Variants in RGS3 observed in about 807,000 individuals in gnomAD.
The protein encoded by RGS3 is regulator of G protein signaling 3.
Under a neutral mutation model 132.6 loss-of-function variants are expected in RGS3, and 80 were observed. The observed-to-expected ratio is 0.60, with a 90% CI of 0.50 to 0.73. The LOEUF is 0.73. Ranked by LOEUF, RGS3 falls within the 30% of genes least tolerant of loss-of-function variation. The pLI is 0.00. For missense variants in RGS3, 1,382 were observed against 1,530.8 expected (o/e 0.90, Z 1.62); for synonymous variants, 598 against 620.6 (o/e 0.96, Z 0.54).
chr9:113,536,501 CTCA>C, intron 18 of RGS3: 1 of 1,082,676 alleles, frequency 9.2e-7, no homozygotes, highest in Admixed American at 4.8e-5. Context: ...TGGGGGTGAC[CTCA>C]TCGGCTCTGT....
intron 19 of RGS3, among the ~76,000 whole-genome samples, chr9:113,544,642 T>C (rs1833035256): frequency 6.6e-6 from 1 of 152,218 alleles, no homozygotes; most frequent in Non-Finnish European, 1.5e-5. Flanking sequence ...ACTTTGGAGA[T>C]GGCAACTGGG....
At chr9:113,467,638 G>A (rs988685703) in intron 3 of RGS3, among the ~76,000 whole-genome samples, 5 of 152,054 alleles carry the variant, frequency 3.3e-5, no homozygotes, top group African/African-American at 1.2e-4. Context: ...CTCCTTAACC[G>A]ATATATGATT....
intron 19 of RGS3, among the ~76,000 whole-genome samples, chr9:113,549,626 G>A (rs554174721): frequency 6.6e-6 from 1 of 152,168 alleles, no homozygotes; most frequent in Non-Finnish European, 1.5e-5. Context: ...AATGTGTCCT[G>A]TCAGGCATTC....
chr9:113,580,897 G>T, intron 19 of RGS3: 1 of 985,678 alleles, frequency 1.0e-6, no homozygotes. Flanking sequence ...CCCAGGAAAG[G>T]GGAAATGCGG....
chr9:113,589,731 T>A (rs1835320209), intron 20 of RGS3, among the ~76,000 whole-genome samples: 1 of 152,178 alleles, frequency 6.6e-6, no homozygotes, highest in African/African-American at 2.4e-5. Flanking sequence ...GTGGTAACAC[T>A]CACTGGGCAA....
intron 1 of RGS3, among the ~76,000 whole-genome samples, chr9:113,450,347 A>G (rs2119140228): frequency 6.6e-6 from 1 of 152,302 alleles, no homozygotes; most frequent in East Asian, 1.9e-4. Flanking sequence ...CTGGGATTAC[A>G]GGCATGAGCC....
intron 22 of RGS3, 123 bp from the exon 21 acceptor site, chr9:113,594,796 G>T (rs1025546094): frequency 1.3e-5 from 12 of 924,542 alleles, no homozygotes; most frequent in Admixed American, 2.3e-5. Flanking sequence ...CTTCCTGGGC[G>T]CCCCAGCTGG....
chr9:113,505,632 T>C (rs551048894), intron 11 of RGS3, 109 bp downstream of exon 9: 1 of 807,570 alleles, frequency 1.2e-6, no homozygotes, highest in East Asian at 2.6e-5. Flanking sequence ...CAAAGTGTCC[T>C]GGCTTTTCAA....
chr9:113,541,030 C>G (rs947386361), intron 19 of RGS3, among the ~76,000 whole-genome samples: 20 of 152,320 alleles, frequency 1.3e-4, no homozygotes, highest in African/African-American at 4.8e-4. Flanking sequence ...TGCTGGTGCT[C>G]GGAGCACATA....
At chr9:113,549,342 C>T (rs1276628350) in intron 19 of RGS3, among the ~76,000 whole-genome samples, 2 of 152,216 alleles carry the variant, frequency 1.3e-5, no homozygotes, top group African/African-American at 2.4e-5. Context: ...AATAGTAGCT[C>T]TTGTTGCAAA....
intron 18 of RGS3, among the ~76,000 whole-genome samples, chr9:113,530,764 G>T (rs1832430802): frequency 6.6e-6 from 1 of 152,202 alleles, no homozygotes; most frequent in Admixed American, 6.5e-5. Context: ...AAAGTGCCAG[G>T]TGATCTGATC....
At chr9:113,461,793 C>G (rs1829476053) in exon 2 of RGS3, 1 of 1,614,176 alleles carries the variant, frequency 6.2e-7, no homozygotes, top group Non-Finnish European at 8.5e-7. Flanking sequence ...CTCACAGCCT[C>G]TGGAGCCCAA....
chr9:113,503,781 A>T (rs1330569514), intron 10 of RGS3, among the ~76,000 whole-genome samples: 1 of 152,114 alleles, frequency 6.6e-6, no homozygotes, highest in Admixed American at 6.5e-5. Context: ...CCCCTAAAAA[A>T]TCCCCGCTGG....
intron 19 of RGS3, among the ~76,000 whole-genome samples, chr9:113,557,490 C>G (rs1277436345): frequency 6.6e-6 from 1 of 152,222 alleles, no homozygotes; most frequent in African/African-American, 2.4e-5. Flanking sequence ...GGCCATATGC[C>G]TCTCCCTGGA....
chr9:113,481,766 G>C (rs1031032140), intron 4 of RGS3, among the ~76,000 whole-genome samples: 6 of 152,230 alleles, frequency 3.9e-5, no homozygotes, highest in Admixed American at 2.0e-4. Flanking sequence ...CAGACGTAAG[G>C]CTGGGTGCAT....
At chr9:113,525,389 A>G (rs1312880860) in intron 17 of RGS3, among the ~76,000 whole-genome samples, 1 of 152,046 alleles carries the variant, frequency 6.6e-6, no homozygotes, top group African/African-American at 2.4e-5. Context: ...CTGCAGTCTA[A>G]ATTGGAGCCG....
chr9:113,578,089 G>A (rs1420780537), intron 19 of RGS3, among the ~76,000 whole-genome samples: 1 of 152,360 alleles, frequency 6.6e-6, no homozygotes, highest in Non-Finnish European at 1.5e-5. Flanking sequence ...GCCAGATGGT[G>A]CAGATAGCGA....
chr9:113,596,658 G>T, intron 24 of RGS3, 110 bp from the exon 23 acceptor site: 1 of 870,756 alleles, frequency 1.1e-6, no homozygotes, highest in South Asian at 1.7e-5. Context: ...TTAAGATGTG[G>T]GGCAAAGGGG....
intron 7 of RGS3, among the ~76,000 whole-genome samples, chr9:113,490,490 A>G (rs1251734767): frequency 6.6e-6 from 1 of 151,796 alleles, no homozygotes. Context: ...AGCTTTAAAA[A>G]TTCTGTTTGA....
Sources: allele counts gnomAD v4.1 joint callset (sites outside exome capture counted in the v4.1 genomes callset), GRCh38; gene constraint gnomAD v4.1.1; transcripts MANE v1.5; gene names NCBI Gene and HGNC (gene_info 2026-07-23, HGNC 2026-07-21).